The following F2RL1 variants were observed in gnomAD, a reference collection of about 807,000 sequenced individuals.
The protein encoded by F2RL1 is F2R like trypsin receptor 1.
In F2RL1, 16 loss-of-function variants were observed where a neutral mutation model predicts 21.7. The ratio of observed to expected loss-of-function variants is 0.74; its 90% CI spans 0.50 to 1.12. The LOEUF (loss-of-function observed/expected upper bound fraction) is 1.12. Among genes scored for constraint, F2RL1 ranks in the 50% most tolerant of loss-of-function variants. The pLI is 0.00. For missense variants in F2RL1, 432 were observed against 477.8 expected, an observed-to-expected ratio of 0.90 and a Z score of 0.89; for synonymous variants, 181 against 186.7, an observed-to-expected ratio of 0.97 and a Z score of 0.25.
At chr5:76,828,540 G>A (rs567268770) in intron 1 of F2RL1, among the ~76,000 whole-genome samples, 3 of 149,800 alleles carry the variant, frequency 2.0e-5, no homozygotes, top group African/African-American at 7.4e-5. Flanking sequence ...ACCCAGAGTG[G>A]AGTGCAGTGG....
intron 1 of F2RL1, among the ~76,000 whole-genome samples, chr5:76,829,441 C>T (rs1328127899): frequency 6.6e-6 from 1 of 152,056 alleles, no homozygotes; most frequent in Non-Finnish European, 1.5e-5. Flanking sequence ...TTGTAAAAAA[C>T]AGGTCCTTTA....
At position 76,819,062 on chromosome 5, in the gene F2RL1, A is replaced by C. The variant is rs1383282847; in HGVS notation, c.-121A>C. 2 of 779,690 alleles carry C rather than the reference A, an allele frequency of 2.6e-6. No individual in the cohort carries two copies. The highest frequency in any genetic ancestry group is 4.0e-6 in the Non-Finnish European group (2 of 494,112). The allele number at this position is 779,690 out of a possible 1,614,324, so 48.3% of individuals were successfully genotyped here. A position where few individuals can be genotyped will look rare whatever the true frequency, so the allele number is the denominator to read the frequency against. ...AACCCGCCCTGGGGAGGCGCGCAGC[A>C]GAGGCTCCGATTCGGGGCAGGTGAG... On this transcript the variant is annotated 5_prime_UTR_variant, in exon 1 of 2. Transcript: ENST00000296677.
At chr5:76,820,052 C>T (rs1288702252) in intron 1 of F2RL1, among the ~76,000 whole-genome samples, 1 of 152,220 alleles carries the variant, frequency 6.6e-6, no homozygotes, top group South Asian at 2.1e-4. Context: ...CCGGGACTTT[C>T]CTAGTGTGCC....
Position 76,833,883 on chromosome 5 carries a change from A to C in F2RL1, c.*82A>C, listed in dbSNP as rs1713900082. On this transcript the variant is annotated 3_prime_UTR_variant, in exon 2 of 2. Transcript: ENST00000296677. ...TATGAGGACGTGTCTGTTATTTCCT[A>C]ATCAAAAAGGTCTCACCACATACCA... 1.4e-6 allele frequency: 2 copies of C among 1,451,786 alleles called. No individual in the cohort carries two copies. The highest frequency in any genetic ancestry group is 4.0e-5 in the Admixed American group (2 of 49,654). 89.9% of individuals were successfully genotyped at this position (1,451,786 alleles called of 1,614,324 possible).
Position 76,834,149 on chromosome 5 carries a change from ATTT to A in F2RL1, c.*350_*352del. On this transcript the variant is annotated 3_prime_UTR_variant, in exon 2 of 2. Coordinates refer to ENST00000296677, the MANE Select transcript of F2RL1 (RefSeq NM_005242.6). ...AAATTATATATATACACATATATAT[ATTT>A]TACATCTGGGATCATGATAGACTTG... The A allele has an allele frequency of 5.9e-6, 1 of 170,086 alleles. No individual in the cohort carries two copies. The highest frequency in any genetic ancestry group is 1.3e-5 in the Non-Finnish European group (1 of 79,822). 10.5% of individuals were successfully genotyped at this position (170,086 alleles called of 1,614,324 possible).
At chr5:76,828,743 G>A (rs544302025) in intron 1 of F2RL1, among the ~76,000 whole-genome samples, 11 of 151,608 alleles carry the variant, frequency 7.3e-5, no homozygotes, top group African/African-American at 1.9e-4. Flanking sequence ...ATCCTTCCAC[G>A]TCAGCCTCGC....
intron 1 of F2RL1, among the ~76,000 whole-genome samples, chr5:76,832,127 C>T (rs1750360538): frequency 6.6e-6 from 1 of 152,016 alleles, no homozygotes; most frequent in Non-Finnish European, 1.5e-5. Context: ...GAAATCGATG[C>T]TCCACATGCA....
chr5:76,822,666 T>G lies in F2RL1; in HGVS notation c.82+3402T>G, dbSNP rs764204137. Among the ~76,000 whole-genome samples, 11 of 152,302 alleles carry G rather than the reference T, an allele frequency of 7.2e-5. No homozygotes were observed. The Middle Eastern group carries it at 0.014, about 188-fold the overall frequency. On this transcript the variant is annotated intron_variant, in intron 1 of 1. Transcript: ENST00000296677. ...TGACTTTCTTATGGTTTTATTAGCT[T>G]GGCAAGTGTTGAAGAAAACAGTTCA...
At chr5:76,823,306 CT>C (rs572310084) in intron 1 of F2RL1, among the ~76,000 whole-genome samples, 85 of 150,386 alleles carry the variant, frequency 5.7e-4, no homozygotes, top group African/African-American at 1.9e-3. Context: ...AAGTGAAAAT[CT>C]CTCATTCTTT....
In F2RL1 at chr5:76,819,082, G is replaced by A; in HGVS notation, c.-101G>A. On this transcript the variant is annotated 5_prime_UTR_variant, in exon 1 of 2. Coordinates refer to ENST00000296677, the MANE Select transcript of F2RL1 (RefSeq NM_005242.6). Reference sequence around the variant, plus strand: ...GCAGCAGAGGCTCCGATTCGGGGCAGGTGAGAGGCTGACTTTCTCTCGGTG... The same window carrying A: ...GCAGCAGAGGCTCCGATTCGGGGCAAGTGAGAGGCTGACTTTCTCTCGGTG... The A allele has an allele frequency of 1.0e-6, 1 of 967,858 alleles. No homozygotes were observed. The highest frequency in any genetic ancestry group is 2.7e-5 in the East Asian group (1 of 37,376). 60.0% of individuals were successfully genotyped at this position (967,858 alleles called of 1,614,324 possible). A position where few individuals can be genotyped will look rare whatever the true frequency, so the allele number is the denominator to read the frequency against.
chr5:76,821,559 G>GGT (rs1554033325), intron 1 of F2RL1, among the ~76,000 whole-genome samples: 17 of 143,008 alleles, frequency 1.2e-4, no homozygotes, highest in East Asian at 4.0e-4. Context: ...TGGTTTGGTG[G>GGT]TTTTTTTTTG....
At chr5:76,826,585 C>T (rs969767340) in intron 1 of F2RL1, among the ~76,000 whole-genome samples, 1 of 148,744 alleles carries the variant, frequency 6.7e-6, no homozygotes, top group Non-Finnish European at 1.5e-5. Context: ...GCAATCTCTG[C>T]AACCTTTGCC....
rs1409018932 is a variant in F2RL1 at position 76,832,952 on chromosome 5, C to A, written c.345C>A (p.Ala115=). 1 of 1,614,218 alleles carries A rather than the reference C, an allele frequency of 6.2e-7. No homozygotes were observed. The highest frequency in any genetic ancestry group is 1.6e-4 in the Middle Eastern group (1 of 6,062). The stretch of plus-strand genomic sequence containing the variant: ...AGCACCCTGCTGTGATTTACATGGC[C>A]AATCTGGCCTTGGCTGACCTCCTCT... The part of the protein sequence containing the change: ...KKKHPAVIYM[A]NLALADLLSV... Residue 115 remains alanine, a synonymous_variant, in exon 2 of 2, where the codon GCC becomes GCA. Coordinates refer to ENST00000296677, the MANE Select transcript of F2RL1 (RefSeq NM_005242.6).
In F2RL1 at chr5:76,833,738, G is replaced by C; in HGVS notation, c.1131G>C (p.Lys377Asn). Residue 377 changes from lysine (K) to asparagine (N), a missense_variant, in exon 2 of 2, where the codon AAG (lysine) becomes AAC (asparagine). Lys to Asn is a moderately conservative substitution (Grantham distance 94, BLOSUM62 0). Transcript: ENST00000296677. Reference protein sequence around the residue: ...VKQMQVSLTSKKHSRKSSSYS... With the variant: ...VKQMQVSLTSNKHSRKSSSYS... ...AGATGCAAGTATCCCTCACCTCAAAGAAACACTCCAGGAAATCCAGCTCTT... is the reference window on the plus strand; with the variant it reads ...AGATGCAAGTATCCCTCACCTCAAACAAACACTCCAGGAAATCCAGCTCTT... The C allele has an allele frequency of 6.2e-7, 1 of 1,613,930 alleles. No homozygotes were observed. The highest frequency in any genetic ancestry group is 8.5e-7 in the Non-Finnish European group (1 of 1,180,000).
At chr5:76,825,004 A>AT (rs555152159) in intron 1 of F2RL1, among the ~76,000 whole-genome samples, 7,274 of 129,836 alleles carry the variant, frequency 0.056, 290 homozygotes, top group Middle Eastern at 0.083. Context: ...GTACATTATA[A>AT]TTTTTTTTTT....
chr5:76,833,606 T>G lies in F2RL1; in HGVS notation c.999T>G (p.Ser333=), dbSNP rs1248424315. The G allele has an allele frequency of 6.2e-7, 1 of 1,613,958 alleles. No individual in the cohort carries two copies. The highest frequency in any genetic ancestry group is 8.5e-7 in the Non-Finnish European group (1 of 1,180,004). Reference sequence around the variant, plus strand: ...TGTACATTGTAGCCCTCTGCCTCTCTACCCTTAACAGCTGCATCGACCCCT... The same window carrying G: ...TGTACATTGTAGCCCTCTGCCTCTCGACCCTTAACAGCTGCATCGACCCCT... ...YALYIVALCL[S]TLNSCIDPFV... Residue 333 remains serine, a synonymous_variant, in exon 2 of 2, where the codon TCT becomes TCG. Coordinates refer to ENST00000296677, the MANE Select transcript of F2RL1 (RefSeq NM_005242.6).
Position 76,833,317 on chromosome 5 carries a change from G to A in F2RL1, c.710G>A (p.Gly237Glu), listed in dbSNP as rs1202036823. 2 of 1,613,528 alleles carry A rather than the reference G, an allele frequency of 1.2e-6. No homozygotes were observed. Among genetic ancestry groups the A allele is most frequent in the Non-Finnish European group, 1.7e-6 (2 of 1,179,958 alleles). The part of the protein sequence containing the change: ...HDVLPEQLLV[G>E]DMFNYFLSLA... ...GTTTTGCCTGAGCAGCTCTTGGTGG[G>A]AGACATGTTCAATTACTTCCTCTCT... The change falls in exon 2 of 2, where the codon GGA becomes GAA. Residue 237 changes from glycine to glutamate, a missense_variant. Coordinates refer to ENST00000296677, the MANE Select transcript of F2RL1 (RefSeq NM_005242.6).
Position 76,833,630 on chromosome 5 carries a change from C to G in F2RL1, c.1023C>G (p.Pro341=). The change falls in exon 2 of 2, where the codon CCC becomes CCG. Residue 341 remains proline (P), a synonymous_variant. Transcript: ENST00000296677. ...CTACCCTTAACAGCTGCATCGACCC[C>G]TTTGTCTATTACTTTGTTTCACATG... The part of the protein sequence containing the change: ...CLSTLNSCID[P]FVYYFVSHDF... 1 of 1,613,980 alleles carries G rather than the reference C, an allele frequency of 6.2e-7. No homozygotes were observed. The highest frequency in any genetic ancestry group is 8.5e-7 in the Non-Finnish European group (1 of 1,180,014).
At chr5:76,824,518 G>A (rs999444922) in intron 1 of F2RL1, among the ~76,000 whole-genome samples, 4 of 151,484 alleles carry the variant, frequency 2.6e-5, no homozygotes, top group East Asian at 2.0e-4. Flanking sequence ...TAGTAGAGAC[G>A]GGGTTTCACC....
Sources: gnomAD v4.1 joint callset for allele counts (sites outside exome capture counted in the v4.1 genomes callset) on GRCh38, gnomAD v4.1.1 for gene constraint, MANE v1.5 for transcripts, NCBI Gene and HGNC (gene_info 2026-07-23, HGNC 2026-07-21) for gene names.